Variants in CPEB1 observed in about 807,000 individuals in gnomAD.
CPEB1 encodes the protein cytoplasmic polyadenylation element-binding protein 1.
In CPEB1, 7 loss-of-function variants were observed where a neutral mutation model predicts 65.8. The ratio of observed to expected loss-of-function variants is 0.11; its 90% CI spans 0.06 to 0.20. The LOEUF is 0.20. Among genes scored for constraint, CPEB1 ranks in the 10% least tolerant of loss-of-function variants. The probability of loss-of-function intolerance (pLI) is 1.00; values close to 1 mark genes in which losing one functional copy is unlikely to be tolerated. For synonymous variants in CPEB1, 262 were observed against 260.0 expected (o/e 1.01, Z -0.08); for missense variants, 551 against 712.2 (o/e 0.77, Z 2.58).
At chr15:82,606,857 G>C (rs910776551) in intron 3 of CPEB1, among the ~76,000 whole-genome samples, 1 of 151,342 alleles carries the variant, frequency 6.6e-6, no homozygotes, top group African/African-American at 2.4e-5. Flanking sequence ...AAGAGGCCAG[G>C]CATAGTAGCT....
chr15:82,640,450 T>C (rs1451626816), intron 1 of CPEB1, among the ~76,000 whole-genome samples: 2 of 152,160 alleles, frequency 1.3e-5, no homozygotes, highest in African/African-American at 4.8e-5. Flanking sequence ...AATACTGTAC[T>C]TCTAGTTGCC....
chr15:82,551,981 A>G (rs76373001), intron 9 of CPEB1, among the ~76,000 whole-genome samples: 3,340 of 152,306 alleles, frequency 0.022, 121 homozygotes, highest in African/African-American at 0.075. Context: ...GAAAACCCAC[A>G]AAACTAAATA....
intron 3 of CPEB1, among the ~76,000 whole-genome samples, chr15:82,620,304 A>G (rs2045177087): frequency 6.7e-6 from 1 of 149,812 alleles, no homozygotes; most frequent in Non-Finnish European, 1.5e-5. Context: ...ATGTGCCTGT[A>G]GTCCCAGCTA....
Position 82,628,548 on chromosome 15 carries a change from G to C in CPEB1, c.-89C>G. ...CAATACAGACCCTTCTATTACACAG[G>C]CACTGAAACTAACGCAAATGGTGGA... On this transcript the variant is annotated 5_prime_UTR_variant, in exon 2 of 13. Transcript: ENST00000684509. 1 of 653,218 alleles carries C rather than the reference G, an allele frequency of 1.5e-6. No individual in the cohort carries two copies. The highest frequency in any genetic ancestry group is 2.7e-5 in the East Asian group (1 of 36,812). The allele number at this position is 653,218 out of a possible 1,614,324, so 40.5% of individuals were successfully genotyped here.
intron 7 of CPEB1, 69 bp from the exon 8 acceptor site, chr15:82,553,625 A>T (rs1262466749): frequency 1.7e-6 from 2 of 1,150,360 alleles, no homozygotes; most frequent in Admixed American, 3.8e-5. Context: ...ACAAACACAG[A>T]ATCACCAGCA....
chr15:82,574,277 A>C (rs2151068002), intron 3 of CPEB1, among the ~76,000 whole-genome samples: 1 of 152,320 alleles, frequency 6.6e-6, no homozygotes, highest in South Asian at 2.1e-4. Context: ...TAAAACCATT[A>C]GTGTGGCAGG....
intron 4 of CPEB1, chr15:82,562,156 T>C (rs1402669475): frequency 4.7e-5 from 5 of 105,564 alleles, no homozygotes; most frequent in South Asian, 2.2e-4. Context: ...ACTAGCTACT[T>C]TTTTTTTTTT....
intron 4 of CPEB1, among the ~76,000 whole-genome samples, chr15:82,563,355 T>A (rs2038556529): frequency 8.2e-6 from 1 of 121,956 alleles, no homozygotes; most frequent in African/African-American, 3.0e-5. Flanking sequence ...ATCATCTCTA[T>A]TCTTTTTTTT....
At chr15:82,549,709 G>A (rs1567167049) in intron 9 of CPEB1, 51 bp from the exon 10 acceptor site, 5 of 1,568,298 alleles carry the variant, frequency 3.2e-6, no homozygotes, top group East Asian at 2.2e-5. Context: ...CACAGAGAGA[G>A]AGGTGCTTGC....
At chr15:82,574,722 C>CAAAAAAAAA (rs534968367) in intron 3 of CPEB1, among the ~76,000 whole-genome samples, 2,227 of 53,434 alleles carry the variant, frequency 0.042, 208 homozygotes, top group Non-Finnish European at 0.047. Flanking sequence ...GACTCGGTCT[C>CAAAAAAAAA]AAAAAAAAAA....
At chr15:82,596,682 A>G (rs2042687233) in intron 3 of CPEB1, among the ~76,000 whole-genome samples, 3 of 138,802 alleles carry the variant, frequency 2.2e-5, no homozygotes, top group African/African-American at 5.5e-5. Flanking sequence ...TGGGCAACAG[A>G]GGGAGACTCT....
rs151017787 is a variant in CPEB1, at chr15:82,635,259, A to G, written c.-97-6703T>C. Among the ~76,000 whole-genome samples the G allele has an allele frequency of 8.9e-4, 135 of 152,342 alleles. 3 individuals carry two copies. The East Asian group carries it at 0.022, about 25-fold the overall frequency. ...ACGATTTTGAAGAGCCCTTATATGAACACTCATTTAGAGAAATGTCATTCA... is the reference window on the plus strand; with the variant it reads ...ACGATTTTGAAGAGCCCTTATATGAGCACTCATTTAGAGAAATGTCATTCA... On this transcript the variant is annotated intron_variant, in intron 1 of 12. Transcript: ENST00000684509.
intron 10 of CPEB1, chr15:82,548,748 T>C (rs1042294013): frequency 8.8e-6 from 4 of 455,576 alleles, no homozygotes; most frequent in African/African-American, 8.0e-5. Context: ...GAAGTCCCTG[T>C]TCTCAATCTG....
intron 3 of CPEB1, among the ~76,000 whole-genome samples, chr15:82,586,696 G>A (rs1249264838): frequency 2.0e-5 from 3 of 152,212 alleles, no homozygotes; most frequent in Non-Finnish European, 2.9e-5. Flanking sequence ...TAAAGAAGTT[G>A]TAGGTTCAGG....
intron 3 of CPEB1, among the ~76,000 whole-genome samples, chr15:82,599,410 A>C (rs538902762): frequency 2.0e-5 from 3 of 152,306 alleles, no homozygotes; most frequent in Middle Eastern, 3.4e-3. Flanking sequence ...AGGCTGGCAA[A>C]GTTATTCAAA....
intron 6 of CPEB1, among the ~76,000 whole-genome samples, 186 bp from the exon 7 acceptor site, chr15:82,554,177 T>C (rs2036784118): frequency 6.6e-6 from 1 of 152,206 alleles, no homozygotes; most frequent in African/African-American, 2.4e-5. Context: ...CTCAGTCAAG[T>C]ATGATAATCC....
intron 1 of CPEB1, among the ~76,000 whole-genome samples, chr15:82,642,590 G>A (rs148440349): frequency 8.5e-4 from 130 of 152,150 alleles, no homozygotes; most frequent in African/African-American, 3.1e-3. Flanking sequence ...CTTAAGAAAC[G>A]GTAAAGGGTG....
chr15:82,561,322 C>T (rs1296015891), intron 4 of CPEB1, among the ~76,000 whole-genome samples: 1 of 152,140 alleles, frequency 6.6e-6, no homozygotes, highest in Non-Finnish European at 1.5e-5. Flanking sequence ...ATAGCAGCAT[C>T]TTAAAGGAAA....
At chr15:82,626,980 T>C (rs1477234789) in intron 3 of CPEB1, among the ~76,000 whole-genome samples, 1 of 152,218 alleles carries the variant, frequency 6.6e-6, no homozygotes, top group Non-Finnish European at 1.5e-5. Flanking sequence ...CCAACCTTTC[T>C]GTGTATCATA....
Sources: gnomAD v4.1 joint callset for allele counts (sites outside exome capture counted in the v4.1 genomes callset) on GRCh38, gnomAD v4.1.1 for gene constraint, MANE v1.5 for transcripts, NCBI Gene and HGNC (gene_info 2026-07-23, HGNC 2026-07-21) for gene names.